TMEM156: variants seen among roughly 807,000 people sequenced by gnomAD.
The protein encoded by TMEM156 is transmembrane protein 156.
A neutral mutation model predicts 30.5 loss-of-function variants in TMEM156; 28 were observed. The observed-to-expected ratio is 0.92, with a 90% CI of 0.68 to 1.26. The LOEUF is 1.26. TMEM156 is among the 50% of genes most tolerant of loss of function. The pLI, the probability that TMEM156 is intolerant of heterozygous loss-of-function variation, is 0.00. For synonymous variants in TMEM156, 137 were observed against 119.9 expected, an observed-to-expected ratio of 1.14 and a Z score of -0.93; for missense variants, 351 against 340.6, an observed-to-expected ratio of 1.03 and a Z score of -0.24.
intron 6 of TMEM156, 69 bp downstream of exon 6, chr4:38,970,963 T>A: frequency 9.9e-7 from 1 of 1,011,948 alleles, no homozygotes; most frequent in Non-Finnish European, 1.5e-6. Flanking sequence ...GAGTTTGGGA[T>A]CAACTGTGCA....
chr4:38,993,809 T>C lies in TMEM156; in HGVS notation c.548A>G (p.Tyr183Cys), dbSNP rs1577539037. The change falls in exon 3 of 7, where the codon TAC becomes TGC. Residue 183 changes from tyrosine (Y) to cysteine (C), a missense_variant. Transcript: ENST00000381938. Reference protein sequence around the residue: ...DEPSKEKSINYTCRIMEYPND... With the variant: ...DEPSKEKSINCTCRIMEYPND... ...CGGGTATTCCATGATTCTACAAGTGTAGTTTATCGATTTCTCCTTGCTTGG... is the reference window on the plus strand; with the variant it reads ...CGGGTATTCCATGATTCTACAAGTGCAGTTTATCGATTTCTCCTTGCTTGG... 6.2e-7 allele frequency: 1 copy of C among 1,613,876 alleles called. No individual in the cohort carries two copies. The highest frequency in any genetic ancestry group is 2.2e-5 in the East Asian group (1 of 44,852).
chr4:38,996,289 T>C (rs1577543441), intron 2 of TMEM156, among the ~76,000 whole-genome samples: 1 of 149,064 alleles, frequency 6.7e-6, no homozygotes, highest in South Asian at 2.1e-4. Context: ...ACAGGTGCAG[T>C]GGCTCACACC....
At chr4:38,982,411 A>G (rs1381349755) in intron 5 of TMEM156, among the ~76,000 whole-genome samples, 2 of 152,190 alleles carry the variant, frequency 1.3e-5, no homozygotes, top group East Asian at 1.9e-4. Context: ...AATGTTATTT[A>G]TGATTCTTTG....
intron 1 of TMEM156, among the ~76,000 whole-genome samples, chr4:39,021,394 C>CAAA (rs35120494): frequency 6.9e-6 from 1 of 145,494 alleles, no homozygotes; most frequent in African/African-American, 2.5e-5. Context: ...GACCTTGTCT[C>CAAA]AAAAAAAAAT....
chr4:38,983,919 T>C (rs1379563063), intron 5 of TMEM156, among the ~76,000 whole-genome samples: 2 of 152,350 alleles, frequency 1.3e-5, no homozygotes, highest in Middle Eastern at 3.4e-3. Context: ...TCTATACTTA[T>C]TTCCCTTGAG....
intron 5 of TMEM156, among the ~76,000 whole-genome samples, chr4:38,977,745 T>G (rs1722936623): frequency 6.6e-6 from 1 of 152,190 alleles, no homozygotes; most frequent in Non-Finnish European, 1.5e-5. Context: ...TCAAACAGCC[T>G]TAAAAAAATT....
chr4:38,998,879 A>T lies in TMEM156; in HGVS notation c.119T>A (p.Val40Glu). ...ATAGGTAAAATTAGATTGCAAACAC[A>T]CTTCCAGACATGATAGCTCCAATGT... ...ERTLELSCLE[V>E]CLQSNFTYSL... is the part of the protein sequence containing the mutation. Residue 40 changes from valine (V) to glutamate (E), a missense_variant, in exon 2 of 7, where the codon GTG (valine) becomes GAG (glutamate). Transcript: ENST00000381938. The T allele has an allele frequency of 6.2e-7, 1 of 1,613,636 alleles. No individual in the cohort carries two copies.
intron 3 of TMEM156, among the ~76,000 whole-genome samples, chr4:38,990,203 A>G (rs1712321775): frequency 2.0e-5 from 3 of 152,248 alleles, no homozygotes; most frequent in Admixed American, 6.5e-5. Context: ...TACTCTTGGT[A>G]TGAACTGCCT....
chr4:39,031,922 T>C (rs1215260999), intron 1 of TMEM156, among the ~76,000 whole-genome samples: 1 of 151,078 alleles, frequency 6.6e-6, no homozygotes, highest in Non-Finnish European at 1.5e-5. Flanking sequence ...AAAACTGCTT[T>C]GAAGAAAGTG....
At chr4:38,997,751 A>G (rs1286868586) in intron 2 of TMEM156, among the ~76,000 whole-genome samples, 4 of 152,238 alleles carry the variant, frequency 2.6e-5, no homozygotes, top group Non-Finnish European at 4.4e-5. Flanking sequence ...CACTGCAGAT[A>G]ATAAGCAGTT....
intron 1 of TMEM156, among the ~76,000 whole-genome samples, chr4:39,011,683 G>A (rs1484705173): frequency 6.6e-6 from 1 of 152,136 alleles, no homozygotes; most frequent in Non-Finnish European, 1.5e-5. Context: ...CTGAGGCAGA[G>A]AATTGCTTAA....
intron 1 of TMEM156, among the ~76,000 whole-genome samples, chr4:39,011,959 A>G (rs1714152264): frequency 6.6e-6 from 1 of 152,196 alleles, no homozygotes; most frequent in Admixed American, 6.5e-5. Flanking sequence ...AGTGGTAGCT[A>G]AACATTGGGT....
chr4:39,003,107 C>T (rs1298601495), intron 1 of TMEM156, among the ~76,000 whole-genome samples: 1 of 151,870 alleles, frequency 6.6e-6, no homozygotes, highest in Non-Finnish European at 1.5e-5. Flanking sequence ...TGAAAAAAAT[C>T]AAGCTCATGA....
chr4:39,027,764 T>C (rs552487071), intron 1 of TMEM156, among the ~76,000 whole-genome samples: 9 of 145,680 alleles, frequency 6.2e-5, no homozygotes, highest in East Asian at 2.0e-4. Flanking sequence ...TTTTCTTTTT[T>C]TTTTTTTTTT....
intron 5 of TMEM156, among the ~76,000 whole-genome samples, chr4:38,978,314 A>T (rs545742195): frequency 9.2e-5 from 14 of 152,204 alleles, no homozygotes; most frequent in African/African-American, 3.1e-4. Flanking sequence ...ATCACACAGT[A>T]TCTGTCCCTC....
intron 5 of TMEM156, among the ~76,000 whole-genome samples, chr4:38,977,965 C>A (rs1290836067): frequency 6.6e-6 from 1 of 152,160 alleles, no homozygotes; most frequent in African/African-American, 2.4e-5. Flanking sequence ...TTCAAAGGTG[C>A]TTTATATCCA....
intron 1 of TMEM156, among the ~76,000 whole-genome samples, chr4:39,007,030 C>G (rs1410587621): frequency 6.6e-6 from 1 of 152,090 alleles, no homozygotes; most frequent in East Asian, 1.9e-4. Context: ...TTATGTATAA[C>G]CAATTACACT....
chr4:38,998,962 G>A, intron 1 of TMEM156, 53 bp from the exon 2 acceptor site: 2 of 1,518,526 alleles, frequency 1.3e-6, no homozygotes, highest in Non-Finnish European at 1.8e-6. Flanking sequence ...TGAGTTTTTG[G>A]CATTCAAATA....
chr4:38,978,732 T>C (rs986947310), intron 5 of TMEM156, among the ~76,000 whole-genome samples: 7 of 152,342 alleles, frequency 4.6e-5, no homozygotes, highest in Admixed American at 3.9e-4. Flanking sequence ...AATGAGCTTG[T>C]CAGGCTACCC....
Sources: allele counts gnomAD v4.1 joint callset (sites outside exome capture counted in the v4.1 genomes callset), GRCh38; gene constraint gnomAD v4.1.1; transcripts MANE v1.5; gene names NCBI Gene and HGNC (gene_info 2026-07-23, HGNC 2026-07-21).